The following SUCLG2 variants were observed in gnomAD, a reference collection of about 807,000 sequenced individuals.
SUCLG2 encodes the protein succinate-CoA ligase GDP-forming subunit beta.
SUCLG2 carries 42 observed loss-of-function variants against 47.9 expected under a neutral mutation model. That is an observed-to-expected ratio of 0.88 (90% CI 0.69 to 1.14). The LOEUF is 1.14. Among genes scored for constraint, SUCLG2 ranks in the 50% most tolerant of loss-of-function variants. The pLI is 0.00. For synonymous variants in SUCLG2, 195 were observed against 197.3 expected, an observed-to-expected ratio of 0.99 and a Z score of 0.10; for missense variants, 571 against 525.9, an observed-to-expected ratio of 1.09 and a Z score of -0.84.
At chr3:67,517,389 T>C (rs1365035882) in intron 6 of SUCLG2, among the ~76,000 whole-genome samples, 1 of 152,194 alleles carries the variant, frequency 6.6e-6, no homozygotes, top group Non-Finnish European at 1.5e-5. Context: ...ACATACTCTG[T>C]AACCTTTTCA....
At chr3:67,379,902 T>C (rs1332414699) in intron 10 of SUCLG2, among the ~76,000 whole-genome samples, 2 of 152,198 alleles carry the variant, frequency 1.3e-5, no homozygotes, top group Non-Finnish European at 2.9e-5. Context: ...CTTATTGGGA[T>C]GACTTACTGA....
chr3:67,378,844 A>C (rs1702090790), intron 10 of SUCLG2, among the ~76,000 whole-genome samples: 1 of 152,210 alleles, frequency 6.6e-6, no homozygotes, highest in Admixed American at 6.5e-5. Context: ...TTTAGAAACT[A>C]ATCAAAGCAT....
intron 9 of SUCLG2, among the ~76,000 whole-genome samples, chr3:67,472,395 T>C (rs1400184975): frequency 6.6e-6 from 1 of 152,242 alleles, no homozygotes; most frequent in African/African-American, 2.4e-5. Flanking sequence ...CTGGTAATCA[T>C]AGACATATTA....
chr3:67,573,165 T>C (rs1216147389), intron 2 of SUCLG2, among the ~76,000 whole-genome samples: 1 of 152,164 alleles, frequency 6.6e-6, no homozygotes, highest in Non-Finnish European at 1.5e-5. Flanking sequence ...AATAAAGATC[T>C]AAATAAATGG....
At chr3:67,549,422 C>G (rs1706951635) in intron 2 of SUCLG2, among the ~76,000 whole-genome samples, 1 of 152,194 alleles carries the variant, frequency 6.6e-6, no homozygotes, top group Admixed American at 6.5e-5. Context: ...AGATAAAAGC[C>G]AAAACATATC....
At chr3:67,581,181 G>A (rs1423532631) in intron 2 of SUCLG2, among the ~76,000 whole-genome samples, 2 of 152,154 alleles carry the variant, frequency 1.3e-5, no homozygotes, top group South Asian at 2.1e-4. Context: ...TGTCACCAAC[G>A]CTGGTTAGCA....
At chr3:67,611,748 C>T (rs1375483011) in intron 1 of SUCLG2, among the ~76,000 whole-genome samples, 1 of 152,102 alleles carries the variant, frequency 6.6e-6, no homozygotes, top group Non-Finnish European at 1.5e-5. Flanking sequence ...AGAACACTCG[C>T]CATATTAATT....
chr3:67,626,696 C>G (rs1393551266), intron 1 of SUCLG2, among the ~76,000 whole-genome samples: 1 of 152,044 alleles, frequency 6.6e-6, no homozygotes, highest in Admixed American at 6.6e-5. Context: ...GGGTGAATCA[C>G]GAGGTCAGGA....
At chr3:67,532,706 A>G (rs992406513) in intron 2 of SUCLG2, among the ~76,000 whole-genome samples, 1 of 152,320 alleles carries the variant, frequency 6.6e-6, no homozygotes, top group East Asian at 1.9e-4. Context: ...GACATATCTG[A>G]CAAACTTATA....
intron 1 of SUCLG2, among the ~76,000 whole-genome samples, chr3:67,631,861 T>C (rs1700931803): frequency 1.3e-5 from 2 of 152,156 alleles, no homozygotes; most frequent in African/African-American, 4.8e-5. Context: ...TAGTATTTGT[T>C]GAATGATAAT....
intron 1 of SUCLG2, among the ~76,000 whole-genome samples, chr3:67,618,255 A>G (rs1700665753): frequency 6.6e-6 from 1 of 152,146 alleles, no homozygotes; most frequent in Non-Finnish European, 1.5e-5. Flanking sequence ...GCCCGTCTCT[A>G]CTAAGAATAC....
At chr3:67,586,603 AAAGAAGATT>A (rs1391638570) in intron 2 of SUCLG2, among the ~76,000 whole-genome samples, 1 of 152,178 alleles carries the variant, frequency 6.6e-6, no homozygotes, top group Non-Finnish European at 1.5e-5. Flanking sequence ...TATTCTAAAT[AAAGAAGATT>A]AAGGATGTTG....
At chr3:67,403,885 G>GTTTA (rs375571869) in intron 9 of SUCLG2, among the ~76,000 whole-genome samples, 1 of 152,030 alleles carries the variant, frequency 6.6e-6, no homozygotes, top group Non-Finnish European at 1.5e-5. Context: ...TTCCTTTTTA[G>GTTTA]TTTATTTATT....
At chr3:67,409,358 C>T (rs1447455313) in intron 9 of SUCLG2, among the ~76,000 whole-genome samples, 1 of 151,946 alleles carries the variant, frequency 6.6e-6, no homozygotes, top group African/African-American at 2.4e-5. Flanking sequence ...GAAATTATGG[C>T]CATAAAAATT....
At chr3:67,630,165 T>G (rs962652449) in intron 1 of SUCLG2, among the ~76,000 whole-genome samples, 16 of 126,710 alleles carry the variant, frequency 1.3e-4, no homozygotes, top group African/African-American at 4.5e-4. Flanking sequence ...ATAAAGCAAA[T>G]GTGAAAAAAA....
At chr3:67,477,422 TG>T (rs1456568431) in intron 9 of SUCLG2, among the ~76,000 whole-genome samples, 1 of 152,208 alleles carries the variant, frequency 6.6e-6, no homozygotes, top group African/African-American at 2.4e-5. Context: ...AGGCTGGGTG[TG>T]GTTGCTCATG....
chr3:67,544,677 G>C (rs1308097658), intron 2 of SUCLG2, among the ~76,000 whole-genome samples: 1 of 152,164 alleles, frequency 6.6e-6, no homozygotes, highest in African/African-American at 2.4e-5. Flanking sequence ...CTAGGAAGAT[G>C]GGACTGGAGA....
At chr3:67,473,205 G>T (rs2106991442) in intron 9 of SUCLG2, among the ~76,000 whole-genome samples, 1 of 152,040 alleles carries the variant, frequency 6.6e-6, no homozygotes, top group East Asian at 1.9e-4. Flanking sequence ...TTGAGACAGG[G>T]TCTTACTCCA....
At chr3:67,446,809 A>G in intron 9 of SUCLG2, among the ~76,000 whole-genome samples, 1 of 152,132 alleles carries the variant, frequency 6.6e-6, no homozygotes, top group Non-Finnish European at 1.5e-5. Context: ...TCACTTTTAG[A>G]AAAATATATA....
Sources: allele counts gnomAD v4.1 joint callset (sites outside exome capture counted in the v4.1 genomes callset), GRCh38; gene constraint gnomAD v4.1.1; transcripts MANE v1.5; gene names NCBI Gene and HGNC (gene_info 2026-07-23, HGNC 2026-07-21).